CEP164: variants seen among roughly 807,000 people sequenced by gnomAD.
CEP164 encodes centrosomal protein 164, also known as centrosomal protein of 164 kDa.
CEP164 carries 162 observed loss-of-function variants against 182.7 expected under a neutral mutation model. The ratio of observed to expected loss-of-function variants is 0.89; its 90% CI spans 0.78 to 1.01. The LOEUF (loss-of-function observed/expected upper bound fraction) is 1.01, where lower values mean the gene tolerates loss of function less well. CEP164 is among the 50% of genes least tolerant of loss of function. The probability of loss-of-function intolerance (pLI) is 0.00; values close to 1 mark genes in which losing one functional copy is unlikely to be tolerated. For synonymous variants in CEP164, 661 were observed against 690.0 expected, an observed-to-expected ratio of 0.96 and a Z score of 0.66; for missense variants, 1,735 against 1,790.4, an observed-to-expected ratio of 0.97 and a Z score of 0.56.
intron 27 of CEP164, among the ~76,000 whole-genome samples, chr11:117,406,434 T>G (rs1011028915): frequency 6.6e-6 from 1 of 152,216 alleles, no homozygotes; most frequent in Non-Finnish European, 1.5e-5. Context: ...GGGAGTACAG[T>G]TCAAGATGAG....
intron 19 of CEP164, 35 bp downstream of exon 19, chr11:117,392,662 C>T (rs763359858): frequency 6.9e-6 from 11 of 1,605,788 alleles, no homozygotes; most frequent in Non-Finnish European, 9.4e-6. Context: ...GTCGTGTGCG[C>T]CTGTTGTGGA....
intron 7 of CEP164, among the ~76,000 whole-genome samples, chr11:117,363,126 A>G (rs1348040668): frequency 6.6e-6 from 1 of 152,238 alleles, no homozygotes; most frequent in African/African-American, 2.4e-5. Context: ...TTAAAAAAGC[A>G]AGAAGTTTTT....
chr11:117,408,871 T>G lies in CEP164; in HGVS notation c.3610-19T>G, dbSNP rs202138166. 3.7e-6 allele frequency: 6 copies of G among 1,613,932 alleles called. No homozygotes were observed. The highest frequency in any genetic ancestry group is 1.6e-4 in the Middle Eastern group (1 of 6,062). On this transcript the variant is annotated intron_variant, in intron 28 of 32. Transcript: ENST00000278935. ...GCACGTGGGAGAGGTGGGTCATAAC[T>G]GCTGACTTTACCCCACAGGCCTCAG... is the stretch of plus-strand genomic sequence containing the variant.
chr11:117,363,058 A>G (rs998162729), intron 7 of CEP164, among the ~76,000 whole-genome samples: 4 of 152,166 alleles, frequency 2.6e-5, no homozygotes, highest in African/African-American at 9.7e-5. Flanking sequence ...TTATCTACTC[A>G]TCTGTCGATG....
chr11:117,356,031 T>A, intron 5 of CEP164: 1 of 965,562 alleles, frequency 1.0e-6, no homozygotes, highest in Non-Finnish European at 1.3e-6. Context: ...AACAGCAACC[T>A]GGCCTCACAC....
chr11:117,328,601 C>T (rs77873962), intron 1 of CEP164, among the ~76,000 whole-genome samples: 3,884 of 152,256 alleles, frequency 0.026, 160 homozygotes, highest in South Asian at 0.19. Context: ...CGCCAAACTA[C>T]TCCAGCCAGA....
chr11:117,382,530 G>GCACAGTGGCAACATGTGCCACTCA (rs1351681866), intron 13 of CEP164, among the ~76,000 whole-genome samples: 8 of 152,196 alleles, frequency 5.3e-5, no homozygotes, highest in Non-Finnish European at 1.2e-4. Context: ...GCAATCAACA[G>GCACAGTGGCAACATGTGCCACTCA]CATCCACTGA....
chr11:117,409,035 G>A lies in CEP164; in HGVS notation c.3748+7G>A, dbSNP rs767096820. ...TGGTGGCGGCAGCAGAGGAGTGAGT[G>A]GGGGAGATGCGGGGTGAGGACCATG... On this transcript the variant is annotated splice_region_variant and intron_variant, in intron 29 of 32. Transcript: ENST00000278935. The surrounding 1 kb of genome is among the most constrained non-coding windows in gnomAD (Gnocchi z 4.4). 1.9e-6 allele frequency: 3 copies of A among 1,613,824 alleles called. No individual in the cohort carries two copies. Among genetic ancestry groups the A allele is most frequent in the African/African-American group, 2.7e-5 (2 of 74,908 alleles).
rs957003034 is a variant in CEP164 at position 117,358,269 on chromosome 11, C to T, written c.394-3566C>T. 2.6e-5 allele frequency among the ~76,000 whole-genome samples: 4 copies of T among 152,280 alleles called. No individual in the cohort carries two copies. The South Asian group carries it at 8.3e-4, about 32-fold the overall frequency. On this transcript the variant is annotated intron_variant, in intron 5 of 32. Transcript: ENST00000278935. The stretch of plus-strand genomic sequence containing the variant: ...TCTATAGAAGATGATCAGCTAGGAG[C>T]CAGGAATGTATAATTTCTCCACTAA...
chr11:117,351,725 C>T, intron 4 of CEP164, 65 bp from the exon 5 acceptor site: 1 of 1,478,358 alleles, frequency 6.8e-7, no homozygotes, highest in Non-Finnish European at 9.3e-7. Flanking sequence ...CTTTTTTTCC[C>T]CTCTTTTTTT....
At chr11:117,397,335 C>A (rs1008860968) in intron 27 of CEP164, 22 bp downstream of exon 27, 25 of 1,600,612 alleles carry the variant, frequency 1.6e-5, no homozygotes, top group Middle Eastern at 4.5e-4. Flanking sequence ...TGGGAAGGGC[C>A]TGCCAGCCCT....
Position 117,371,176 on chromosome 11 carries a change from G to C in CEP164, c.862G>C (p.Gly288Arg). ...TACTCCCTGCAAGCCCTCCAGCCCA[G>C]GTGCAGACAGCAGTCTGAGCAGTGC... Reference protein sequence around the residue: ...PPTPCKPSSPGADSSLSSAVG... With the variant: ...PPTPCKPSSPRADSSLSSAVG... The change falls in exon 9 of 33, where the codon GGT becomes CGT. Residue 288 changes from glycine (G) to arginine (R), a missense_variant. By Grantham distance (125) the Gly-to-Arg change is moderately radical (BLOSUM62 -2). Transcript: ENST00000278935. 3.1e-6 allele frequency: 5 copies of C among 1,614,180 alleles called. No individual in the cohort carries two copies. The highest frequency in any genetic ancestry group is 3.4e-6 in the Non-Finnish European group (4 of 1,180,022).
chr11:117,375,163 G>A (rs2042604890), intron 10 of CEP164, among the ~76,000 whole-genome samples: 1 of 152,206 alleles, frequency 6.6e-6, no homozygotes, highest in Non-Finnish European at 1.5e-5. Flanking sequence ...TGGGGATGTT[G>A]GCATCTCTTC....
intron 11 of CEP164, among the ~76,000 whole-genome samples, chr11:117,379,645 C>G (rs1202419479): frequency 6.6e-6 from 1 of 152,082 alleles, no homozygotes; most frequent in Non-Finnish European, 1.5e-5. Context: ...TTAATCCTCA[C>G]CAGAAGCCCT....
chr11:117,380,568 A>G, intron 11 of CEP164, 46 bp from the exon 12 acceptor site: 5 of 1,513,624 alleles, frequency 3.3e-6, no homozygotes, highest in Non-Finnish European at 4.5e-6. Flanking sequence ...GAGGGACCCA[A>G]ATGCAGTCCC....
intron 23 of CEP164, 95 bp downstream of exon 23, chr11:117,395,286 G>A: frequency 7.0e-7 from 1 of 1,433,074 alleles, no homozygotes; most frequent in South Asian, 1.2e-5. Flanking sequence ...GATCTGTCCA[G>A]GGCACTGGGG....
At chr11:117,321,883 A>G (rs1479132576) in intron 1 of CEP164, among the ~76,000 whole-genome samples, 1 of 151,022 alleles carries the variant, frequency 6.6e-6, no homozygotes, top group Non-Finnish European at 1.5e-5. Flanking sequence ...TTTTTTTAAG[A>G]GATTGGGTCT....
At chr11:117,365,605 C>G (rs2041542506) in intron 8 of CEP164, among the ~76,000 whole-genome samples, 1 of 151,748 alleles carries the variant, frequency 6.6e-6, no homozygotes, top group African/African-American at 2.4e-5. Context: ...TAGATGAAGT[C>G]TCTCACTCTT....
chr11:117,377,414 G>C (rs1480942196), intron 11 of CEP164, among the ~76,000 whole-genome samples: 4 of 152,194 alleles, frequency 2.6e-5, no homozygotes, highest in African/African-American at 9.6e-5. Context: ...TATACCTTGT[G>C]ACCTGCCTGT....
Sources: allele counts gnomAD v4.1 joint callset (sites outside exome capture counted in the v4.1 genomes callset), GRCh38; gene constraint gnomAD v4.1.1; non-coding constraint Gnocchi (gnomAD v3.1); transcripts MANE v1.5; gene names NCBI Gene and HGNC (gene_info 2026-07-23, HGNC 2026-07-21).